Variants in FARS2 observed in about 807,000 individuals in gnomAD.
FARS2 encodes phenylalanine--tRNA ligase, mitochondrial.
Under a neutral mutation model 46.4 loss-of-function variants are expected in FARS2, and 40 were observed. The observed-to-expected ratio is 0.86, with a 90% CI of 0.67 to 1.12. FARS2 has a LOEUF of 1.12. Ranked by LOEUF, FARS2 falls within the 50% of genes most tolerant of loss-of-function variation. The pLI is 0.00. For synonymous variants in FARS2, 234 were observed against 214.9 expected (o/e 1.09, Z -0.78); for missense variants, 513 against 567.9 (o/e 0.90, Z 0.98).
At chr6:5,416,472 T>C (rs1189549293) in intron 3 of FARS2, among the ~76,000 whole-genome samples, 1 of 152,260 alleles carries the variant, frequency 6.6e-6, no homozygotes, top group Non-Finnish European at 1.5e-5. Context: ...CTGGACTCTC[T>C]ATTCTGTTCC....
At chr6:5,261,429 A>T (rs1765114089), upstream of FARS2, 1 of 152,986 alleles carries the variant, frequency 6.5e-6, no homozygotes, top group Non-Finnish European at 1.5e-5. Context: ...GGGGGATGCG[A>T]CGTCTGGGTG....
intron 1 of FARS2, among the ~76,000 whole-genome samples, chr6:5,297,783 A>G (rs191215022): frequency 1.3e-5 from 2 of 152,376 alleles, no homozygotes; most frequent in Admixed American, 1.3e-4. Flanking sequence ...TGTTATTTAA[A>G]ACATCGTCTT....
At position 5,437,064 on chromosome 6, in the gene FARS2, C is replaced by G. The variant is rs547065121; in HGVS notation, c.904+5892C>G. Among the ~76,000 whole-genome samples the G allele has an allele frequency of 3.1e-4, 47 of 152,138 alleles. 1 individual carries two copies. The highest frequency in any genetic ancestry group is 1.6e-4 in the Non-Finnish European group (11 of 68,008). Reference sequence around the variant, plus strand: ...CATGCCCTTTTTGTAATCTGTTCCTCCACCCATCCCTGTCTTCAGGCAACC... The same window carrying G: ...CATGCCCTTTTTGTAATCTGTTCCTGCACCCATCCCTGTCTTCAGGCAACC... On this transcript the variant is annotated intron_variant, in intron 4 of 6. Coordinates refer to ENST00000274680, the MANE Select transcript of FARS2 (RefSeq NM_006567.5).
chr6:5,719,014 G>A (rs561989457), intron 6 of FARS2, among the ~76,000 whole-genome samples: 6 of 152,208 alleles, frequency 3.9e-5, no homozygotes, highest in South Asian at 4.2e-4. Flanking sequence ...ATCACAATTC[G>A]TATCATAGTC....
intron 6 of FARS2, among the ~76,000 whole-genome samples, chr6:5,728,120 G>A (rs900441716): frequency 6.6e-6 from 1 of 152,226 alleles, no homozygotes; most frequent in Non-Finnish European, 1.5e-5. Context: ...TTCATCAACA[G>A]TGTCTGCCTC....
chr6:5,499,031 G>C (rs545683203), intron 4 of FARS2, among the ~76,000 whole-genome samples: 2 of 152,304 alleles, frequency 1.3e-5, no homozygotes, highest in East Asian at 3.9e-4. Flanking sequence ...CTGAGTAGCT[G>C]GGATTACAGG....
intron 1 of FARS2, among the ~76,000 whole-genome samples, chr6:5,294,194 T>C (rs1244938355): frequency 2.0e-5 from 3 of 152,218 alleles, no homozygotes; most frequent in Admixed American, 6.5e-5. Flanking sequence ...TGGGGTCTTC[T>C]TGATGATTTA....
chr6:5,361,662 A>G (rs895949291), intron 1 of FARS2, among the ~76,000 whole-genome samples: 1 of 152,244 alleles, frequency 6.6e-6, no homozygotes, highest in African/African-American at 2.4e-5. Flanking sequence ...ATTGTTTAGT[A>G]GAATAAAATG....
chr6:5,432,435 TATA>T (rs1191469725), intron 4 of FARS2, among the ~76,000 whole-genome samples: 4 of 128,580 alleles, frequency 3.1e-5, no homozygotes, highest in South Asian at 2.2e-4. Flanking sequence ...ATATTATAAA[TATA>T]ATATATAAAA....
At chr6:5,528,744 T>C (rs1328262106) in intron 4 of FARS2, among the ~76,000 whole-genome samples, 1 of 152,218 alleles carries the variant, frequency 6.6e-6, no homozygotes, top group African/African-American at 2.4e-5. Flanking sequence ...TGTAAGACAG[T>C]TGGGGACCCT....
At chr6:5,566,447 G>C (rs1041080998) in intron 5 of FARS2, among the ~76,000 whole-genome samples, 168 of 152,238 alleles carry the variant, frequency 1.1e-3, no homozygotes, top group African/African-American at 3.9e-3. Context: ...GAGGGATTTA[G>C]CTCCTTTTAA....
chr6:5,746,390 T>A (rs1761645000), intron 6 of FARS2, among the ~76,000 whole-genome samples: 1 of 152,196 alleles, frequency 6.6e-6, no homozygotes, highest in East Asian at 1.9e-4. Context: ...GGTTTTTGTC[T>A]GCTTGCCATA....
intron 5 of FARS2, among the ~76,000 whole-genome samples, chr6:5,579,768 T>C (rs1204730172): frequency 6.6e-6 from 1 of 152,204 alleles, no homozygotes; most frequent in Non-Finnish European, 1.5e-5. Flanking sequence ...TTATTTCTTT[T>C]CTGAAAATAA....
intron 1 of FARS2, among the ~76,000 whole-genome samples, chr6:5,355,072 G>A (rs1035867609): frequency 1.1e-4 from 17 of 151,980 alleles, no homozygotes; most frequent in African/African-American, 3.4e-4. Flanking sequence ...TGTGTAAAAC[G>A]TAGTCCTTAC....
chr6:5,449,012 G>A (rs1333005112), intron 4 of FARS2, among the ~76,000 whole-genome samples: 1 of 152,192 alleles, frequency 6.6e-6, no homozygotes, highest in Non-Finnish European at 1.5e-5. Flanking sequence ...AGATCGGAGA[G>A]CGTAAGAGAG....
chr6:5,508,775 G>C (rs929194814), intron 4 of FARS2, among the ~76,000 whole-genome samples: 1 of 152,226 alleles, frequency 6.6e-6, no homozygotes, highest in South Asian at 2.1e-4. Flanking sequence ...GCAGCCGTAC[G>C]CAGGGCGGAC....
intron 2 of FARS2, among the ~76,000 whole-genome samples, chr6:5,373,014 G>A (rs756873824): frequency 1.3e-5 from 2 of 151,950 alleles, no homozygotes; most frequent in African/African-American, 2.4e-5. Context: ...ACCAAATACC[G>A]CAGACAACAT....
At chr6:5,317,083 C>T (rs779734247) in intron 1 of FARS2, among the ~76,000 whole-genome samples, 15 of 152,150 alleles carry the variant, frequency 9.9e-5, no homozygotes, top group Non-Finnish European at 1.2e-4. Flanking sequence ...AACAGGATTA[C>T]AGTGAAAAGT....
chr6:5,748,996 T>C (rs2150961781), intron 6 of FARS2, among the ~76,000 whole-genome samples: 1 of 152,362 alleles, frequency 6.6e-6, no homozygotes, highest in East Asian at 1.9e-4. Flanking sequence ...CGAGAGGCTA[T>C]GGCTTGGTTT....
Sources: allele counts gnomAD v4.1 joint callset (sites outside exome capture counted in the v4.1 genomes callset), GRCh38; gene constraint gnomAD v4.1.1; transcripts MANE v1.5; gene names NCBI Gene and HGNC (gene_info 2026-07-23, HGNC 2026-07-21).